Variants in KCNJ15 observed in about 807,000 individuals in gnomAD.
KCNJ15 encodes potassium inwardly rectifying channel subfamily J member 15, also known as ATP-sensitive inward rectifier potassium channel 15.
In KCNJ15, 14 loss-of-function variants were observed where a neutral mutation model predicts 23.0. The observed-to-expected ratio is 0.61, with a 90% CI of 0.40 to 0.95. KCNJ15 has a LOEUF of 0.95. Among genes scored for constraint, KCNJ15 ranks in the 40% least tolerant of loss-of-function variants. The probability of loss-of-function intolerance (pLI) is 0.00; values close to 1 mark genes in which losing one functional copy is unlikely to be tolerated. For missense variants in KCNJ15, 388 were observed against 461.8 expected (o/e 0.84, Z 1.46); for synonymous variants, 185 against 183.2 (o/e 1.01, Z -0.08).
In KCNJ15 at chr21:38,299,208, A is replaced by T; in HGVS notation, c.-18-36A>T. 2.7e-6 allele frequency: 4 copies of T among 1,474,804 alleles called. No individual in the cohort carries two copies. The highest frequency in any genetic ancestry group is 3.7e-6 in the Non-Finnish European group (4 of 1,077,554). The allele number at this position is 1,474,804 out of a possible 1,614,324, so 91.4% of individuals were successfully genotyped here. A position where few individuals can be genotyped will look rare whatever the true frequency, so the allele number is the denominator to read the frequency against. On this transcript the variant is annotated intron_variant, in intron 2 of 2. Transcript: ENST00000398938. The surrounding 1 kb of genome is among the most constrained non-coding windows in gnomAD (Gnocchi z 4.5). ...CTATTTTCTGGAAGTTCCACCACAT[A>T]TGGCGATAATGAAACATCTTTGTCA... is the stretch of plus-strand genomic sequence containing the variant.
Position 38,300,299 on chromosome 21 carries a change from T to C in KCNJ15, c.1038T>C (p.Ser346=). The change falls in exon 3 of 3, where the codon TCT becomes TCC. Residue 346 remains serine, a synonymous_variant. Coordinates refer to ENST00000398938, the MANE Select transcript of KCNJ15 (RefSeq NM_170736.3). Reference sequence around the variant, plus strand: ...ATTGCACATTTTACTGTGCAGATTCTGAGAAACAGCAACTCGAGGAGAAGT... The same window carrying C: ...ATTGCACATTTTACTGTGCAGATTCCGAGAAACAGCAACTCGAGGAGAAGT... ...SPDCTFYCAD[S]EKQQLEEKYR... 1 of 1,614,130 alleles carries C rather than the reference T, an allele frequency of 6.2e-7. No individual in the cohort carries two copies. Among genetic ancestry groups the C allele is most frequent in the South Asian group, 1.1e-5 (1 of 91,086 alleles).
rs575403150 is a variant in KCNJ15 at position 38,243,557 on chromosome 21, G to C, written c.-398-13489G>C. Among the ~76,000 whole-genome samples the C allele has an allele frequency of 3.9e-5, 6 of 152,292 alleles. 1 individual carries two copies. In the South Asian group the frequency reaches 1.2e-3, roughly 32 times the overall value. On this transcript the variant is annotated intron_variant, in intron 1 of 4. Transcript: ENST00000547341. Reference sequence around the variant, plus strand: ...CTGCCTCAGCCTCCCAAGTAGCTGGGATTACAGGAGCCTGCCACCATGCCC... The same window carrying C: ...CTGCCTCAGCCTCCCAAGTAGCTGGCATTACAGGAGCCTGCCACCATGCCC...
chr21:38,288,026 C>CCTTTTTTTT (rs1984108615), intron 1 of KCNJ15, among the ~76,000 whole-genome samples: 1 of 78,170 alleles, frequency 1.3e-5, no homozygotes, highest in Non-Finnish European at 2.3e-5. Flanking sequence ...TTGTTTTTTT[C>CCTTTTTTTT]TTTGTTTTTT....
chr21:38,255,753 AC>A (rs1980164309), upstream of KCNJ15, among the ~76,000 whole-genome samples: 2 of 152,140 alleles, frequency 1.3e-5, no homozygotes, highest in Admixed American at 6.5e-5. Context: ...TAGTTCAAGC[AC>A]CCAGAACAGC....
chr21:38,268,550 G>GAAAAAAAAAAAAAAAAAA (rs576709021), intron 1 of KCNJ15, among the ~76,000 whole-genome samples: 3 of 47,234 alleles, frequency 6.4e-5, no homozygotes, highest in African/African-American at 1.0e-4. Flanking sequence ...CTTAAAATCT[G>GAAAAAAAAAAAAAAAAAA]AAAAAAAAAA....
intron 1 of KCNJ15, among the ~76,000 whole-genome samples, chr21:38,277,052 A>C (rs1982786550): frequency 7.1e-6 from 1 of 140,188 alleles, no homozygotes; most frequent in Admixed American, 7.2e-5. Flanking sequence ...TGTGTGTAAA[A>C]TTATCACAGG....
chr21:38,269,523 A>G (rs1981860279), intron 1 of KCNJ15, among the ~76,000 whole-genome samples: 1 of 152,224 alleles, frequency 6.6e-6, no homozygotes, highest in Non-Finnish European at 1.5e-5. Flanking sequence ...AAACATTAAA[A>G]AAGTAACTAT....
Position 38,305,313 on chromosome 21 carries a change from A to G in KCNJ15, c.*4924A>G, listed in dbSNP as rs972643895. 1 of 152,172 alleles carries G rather than the reference A, an allele frequency of 6.6e-6. No individual in the cohort carries two copies. Among genetic ancestry groups the G allele is most frequent in the Non-Finnish European group, 1.5e-5 (1 of 68,022 alleles). The allele number at this position is 152,172 out of a possible 1,614,324, so 9.4% of individuals were successfully genotyped here. On this transcript the variant is annotated 3_prime_UTR_variant, in exon 3 of 3. Transcript: ENST00000398938. ...TAATCAATTCAAATTCAAATTAGGA[A>G]TTTATGGACATTCAGATATCCACAT...
intron 1 of KCNJ15, among the ~76,000 whole-genome samples, chr21:38,278,745 G>C (rs1983002935): frequency 6.6e-6 from 1 of 152,150 alleles, no homozygotes; most frequent in Admixed American, 6.5e-5. Context: ...TCAATCAATA[G>C]AGGACTAATC....
intron 1 of KCNJ15, among the ~76,000 whole-genome samples, chr21:38,232,930 T>G (rs1978366610): frequency 6.6e-6 from 1 of 152,038 alleles, no homozygotes. Flanking sequence ...TTCTACTGTT[T>G]GTGGGCGGAT....
At chr21:38,249,273 A>T (rs1482369985) in intron 1 of KCNJ15, among the ~76,000 whole-genome samples, 1 of 152,214 alleles carries the variant, frequency 6.6e-6, no homozygotes, top group Non-Finnish European at 1.5e-5. Context: ...GATTGTTTAA[A>T]TTGATAACCC....
intron 1 of KCNJ15, among the ~76,000 whole-genome samples, chr21:38,249,098 A>C (rs568461908): frequency 1.3e-5 from 2 of 152,196 alleles, no homozygotes; most frequent in Non-Finnish European, 2.9e-5. Flanking sequence ...CTTGCCAGAA[A>C]GAAAGAATAT....
At position 38,301,208 on chromosome 21, in the gene KCNJ15, T is replaced by C. The variant is rs1253285177; in HGVS notation, c.*819T>C. The stretch of plus-strand genomic sequence containing the variant: ...CAGACTTACAGAATTGGGGTCTGTA[T>C]CTTAACAAGAACCCCAGATGATTTG... On this transcript the variant is annotated 3_prime_UTR_variant, in exon 3 of 3. Coordinates refer to ENST00000398938, the MANE Select transcript of KCNJ15 (RefSeq NM_170736.3). 6.0e-6 allele frequency: 1 copy of C among 167,096 alleles called. No homozygotes were observed. The highest frequency in any genetic ancestry group is 1.9e-4 in the East Asian group (1 of 5,204). The allele number at this position is 167,096 out of a possible 1,614,324, so 10.4% of individuals were successfully genotyped here.
chr21:38,256,038 CTT>C (rs1237679130), upstream of KCNJ15, among the ~76,000 whole-genome samples: 1 of 152,078 alleles, frequency 6.6e-6, no homozygotes, highest in African/African-American at 2.4e-5. Flanking sequence ...CATTCCATCT[CTT>C]AGGATTGACC....
chr21:38,276,972 C>G (rs1301646618), intron 1 of KCNJ15, among the ~76,000 whole-genome samples: 1 of 151,740 alleles, frequency 6.6e-6, no homozygotes, highest in East Asian at 1.9e-4. Flanking sequence ...AAAAGAGACT[C>G]CCACCTTCTG....
intron 1 of KCNJ15, chr21:38,272,678 C>T (rs1451139770): frequency 6.6e-6 from 1 of 152,196 alleles, no homozygotes; most frequent in Non-Finnish European, 1.5e-5. Context: ...TTCACCTTAA[C>T]CTCAGGCATG....
chr21:38,251,704 A>C (rs1406373736), intron 1 of KCNJ15, among the ~76,000 whole-genome samples: 1 of 152,186 alleles, frequency 6.6e-6, no homozygotes, highest in African/African-American at 2.4e-5. Flanking sequence ...AGCTGAGGAC[A>C]CACAGAGGAA....
chr21:38,274,346 A>T (rs1982425121), intron 1 of KCNJ15, among the ~76,000 whole-genome samples: 1 of 152,144 alleles, frequency 6.6e-6, no homozygotes, highest in Admixed American at 6.5e-5. Context: ...CCATACCATC[A>T]TCCCCTTTAG....
chr21:38,245,058 A>G (rs1979266436), intron 1 of KCNJ15, among the ~76,000 whole-genome samples: 1 of 152,052 alleles, frequency 6.6e-6, no homozygotes, highest in Admixed American at 6.6e-5. Flanking sequence ...GAAATGGCAC[A>G]GACACCTCCA....
Sources: allele counts gnomAD v4.1 joint callset (sites outside exome capture counted in the v4.1 genomes callset), GRCh38; gene constraint gnomAD v4.1.1; non-coding constraint Gnocchi (gnomAD v3.1); transcripts MANE v1.5; gene names NCBI Gene and HGNC (gene_info 2026-07-23, HGNC 2026-07-21).